COL6A3: variants seen among roughly 807,000 people sequenced by gnomAD.
COL6A3 encodes the protein collagen alpha-3(VI) chain.
In COL6A3, 137 loss-of-function variants were observed where a neutral mutation model predicts 274.1. That is an observed-to-expected ratio of 0.50 (90% confidence interval 0.44 to 0.58). COL6A3 has a LOEUF of 0.58. COL6A3 is among the 20% of genes least tolerant of loss of function. COL6A3 has a pLI of 0.00. For synonymous variants in COL6A3, 1,650 were observed against 1,650.6 expected, an observed-to-expected ratio of 1.00 and a Z score of 0.01; for missense variants, 3,950 against 4,124.9, an observed-to-expected ratio of 0.96 and a Z score of 1.16.
chr2:237,347,742 C>A, intron 31 of COL6A3, 65 bp downstream of exon 31: 1 of 1,459,454 alleles, frequency 6.9e-7, no homozygotes, highest in Non-Finnish European at 9.5e-7. Context: ...AAAGCCTCAG[C>A]AGTTAATCAC....
At chr2:237,359,794 G>C (rs1487494882) in intron 17 of COL6A3, among the ~76,000 whole-genome samples, 1 of 152,188 alleles carries the variant, frequency 6.6e-6, no homozygotes, top group African/African-American at 2.4e-5. Flanking sequence ...CAGGGCCGGG[G>C]CCGTGGGCAC....
intron 1 of COL6A3, among the ~76,000 whole-genome samples, chr2:237,403,027 T>C (rs550288331): frequency 4.8e-4 from 73 of 152,208 alleles, no homozygotes; most frequent in African/African-American, 1.6e-3. Flanking sequence ...AACTTTGCCA[T>C]GAATGGAGCA....
rs2077402457 is a variant in COL6A3 at position 237,360,154 on chromosome 2, C to A, written c.6216G>T (p.Glu2072Asp). The change falls in exon 17 of 44, where the codon GAG becomes GAT. Residue 2072 changes from glutamate to aspartate, a missense_variant. Glu to Asp is a conservative substitution (Grantham distance 45). Coordinates refer to ENST00000295550, the MANE Select transcript of COL6A3 (RefSeq NM_004369.4). Reference sequence around the variant, plus strand: ...TGCCGTTCACACCAGGCGGACCACGCTCACCCTGTTGTGAGAGACAAAGGC... The same window carrying A: ...TGCCGTTCACACCAGGCGGACCACGATCACCCTGTTGTGAGAGACAAAGGC... ...GYPGDEGGPG[E>D]RGPPGVNGTQ... 1 of 1,614,176 alleles carries A rather than the reference C, an allele frequency of 6.2e-7. No individual in the cohort carries two copies. The highest frequency in any genetic ancestry group is 1.3e-5 in the African/African-American group (1 of 75,052).
At position 237,397,831 on chromosome 2, in the gene COL6A3, A is replaced by G. The variant is rs1469563199; in HGVS notation, c.-30-984T>C. Among the ~76,000 whole-genome samples the G allele has an allele frequency of 2.0e-5, 3 of 152,366 alleles. No homozygotes were observed. In the East Asian group the frequency reaches 5.8e-4, roughly 29 times the overall value. On this transcript the variant is annotated intron_variant, in intron 1 of 43. Transcript: ENST00000295550. ...TAAACATATAAATGAGAATTTTTGA[A>G]TCTAGTGACTATTACTTTGGCCACA... is the stretch of plus-strand genomic sequence containing the variant.
Position 237,361,227 on chromosome 2 carries a change from A to T in COL6A3, c.6157-53T>A. On this transcript the variant is annotated intron_variant, in intron 15 of 43. Transcript: ENST00000295550. The surrounding 1 kb of genome is among the most constrained non-coding windows in gnomAD (Gnocchi z 5.1). ...TTAATCCCGTGGTCTTCTTTGCTCT[A>T]CAGTAAGAATCCCTGTGGTCCCCCT... 3 of 1,546,916 alleles carry T rather than the reference A, an allele frequency of 1.9e-6. No homozygotes were observed. Among genetic ancestry groups the T allele is most frequent in the Non-Finnish European group, 2.7e-6 (3 of 1,119,016 alleles).
chr2:237,329,484 G>A (rs1250311615), intron 42 of COL6A3: 1 of 152,178 alleles, frequency 6.6e-6, no homozygotes, highest in Non-Finnish European at 1.5e-5. Context: ...ACCCACACAT[G>A]ACAACTAACC....
intron 2 of COL6A3, 85 bp from the exon 3 acceptor site, chr2:237,395,289 G>A: frequency 7.0e-7 from 1 of 1,430,992 alleles, no homozygotes; most frequent in African/African-American, 1.4e-5. Flanking sequence ...AACAAATTTG[G>A]TTTACACTAT....
chr2:237,372,869 G>A (rs979175532), intron 8 of COL6A3, among the ~76,000 whole-genome samples: 1 of 152,184 alleles, frequency 6.6e-6, no homozygotes, highest in Admixed American at 6.5e-5. Context: ...TTTTATCATG[G>A]ATGGAACCAT....
intron 22 of COL6A3, 91 bp from the exon 23 acceptor site, chr2:237,357,482 T>C: frequency 8.2e-7 from 1 of 1,219,952 alleles, no homozygotes; most frequent in Non-Finnish European, 1.2e-6. Context: ...GGGAAAGGGG[T>C]CGATTCACAG....
intron 3 of COL6A3, among the ~76,000 whole-genome samples, chr2:237,392,138 T>C (rs541739231): frequency 6.6e-6 from 1 of 152,208 alleles, no homozygotes; most frequent in Non-Finnish European, 1.5e-5. Context: ...GCATCAGCAC[T>C]GCCAGCCCCG....
chr2:237,357,956 G>A, intron 21 of COL6A3, 74 bp from the exon 22 acceptor site: 1 of 1,377,188 alleles, frequency 7.3e-7, no homozygotes, highest in South Asian at 1.2e-5. Context: ...GGATGGTCAG[G>A]GAAATATTAG....
At chr2:237,363,139 C>T in intron 14 of COL6A3, 114 bp downstream of exon 14, 1 of 1,047,188 alleles carries the variant, frequency 9.5e-7, no homozygotes, top group Non-Finnish European at 1.4e-6. Flanking sequence ...AACTATCTAC[C>T]AAGGCCCCCC....
chr2:237,388,231 G>T, intron 3 of COL6A3, 47 bp from the exon 4 acceptor site: 1 of 1,611,524 alleles, frequency 6.2e-7, no homozygotes, highest in South Asian at 1.1e-5. Context: ...TAGAACAAGT[G>T]ACCACATGCA....
At chr2:237,355,728 TC>T (rs1405545824) in intron 23 of COL6A3, 1 of 152,176 alleles carries the variant, frequency 6.6e-6, no homozygotes, top group African/African-American at 2.4e-5. Context: ...ACTCTCCACT[TC>T]CAATGGACCA....
intron 16 of COL6A3, among the ~76,000 whole-genome samples, chr2:237,360,413 G>A (rs548029627): frequency 6.6e-6 from 1 of 152,172 alleles, no homozygotes; most frequent in East Asian, 1.9e-4. Context: ...CTGCCCTGTG[G>A]GGCAAGGGTG....
chr2:237,335,723 C>A (rs1700504226), intron 40 of COL6A3, among the ~76,000 whole-genome samples: 1 of 152,246 alleles, frequency 6.6e-6, no homozygotes, highest in Non-Finnish European at 1.5e-5. Context: ...GCGAGTCCGG[C>A]TCCATACACC....
intron 1 of COL6A3, among the ~76,000 whole-genome samples, chr2:237,403,513 C>T (rs1388831928): frequency 1.3e-5 from 2 of 152,140 alleles, no homozygotes; most frequent in African/African-American, 4.8e-5. Context: ...GAAAGGAATG[C>T]TGTTCTAATG....
chr2:237,330,054 G>T (rs534892355), intron 42 of COL6A3: 1 of 152,258 alleles, frequency 6.6e-6, no homozygotes, highest in African/African-American at 2.4e-5. Flanking sequence ...CTTTAACACA[G>T]GTGATTAAGC....
Position 237,371,853 on chromosome 2 carries a change from C to T in COL6A3, c.4164G>A (p.Val1388=). 4.4e-6 allele frequency: 7 copies of T among 1,607,996 alleles called. No individual in the cohort carries two copies. Among genetic ancestry groups the T allele is most frequent in the Admixed American group, 1.7e-5 (1 of 59,630 alleles). The change falls in exon 9 of 44, where the codon GTG becomes GTA. Residue 1388 remains valine, a synonymous_variant. Transcript: ENST00000295550. The surrounding 1 kb of genome is among the most constrained non-coding windows in gnomAD (Gnocchi z 4.3). The part of the protein sequence containing the change: ...LVKISLSPEY[V]FSVSTFRELP... ...GCTCCCGGAAGGTGCTCACCGAGAA[C>T]ACATATTCGGGGCTCAGCGAGATCT...
Sources: allele counts gnomAD v4.1 joint callset (sites outside exome capture counted in the v4.1 genomes callset), GRCh38; gene constraint gnomAD v4.1.1; non-coding constraint Gnocchi (gnomAD v3.1); transcripts MANE v1.5; gene names NCBI Gene and HGNC (gene_info 2026-07-23, HGNC 2026-07-21).